Variants in FAF1 observed in about 807,000 individuals in gnomAD.
FAF1 encodes the protein FAS-associated factor 1.
A neutral mutation model predicts 92.5 loss-of-function variants in FAF1; 25 were observed. The ratio of observed to expected loss-of-function variants is 0.27; its 90% CI spans 0.20 to 0.38. FAF1 has a LOEUF of 0.38. Ranked by LOEUF, FAF1 falls within the 10% of genes least tolerant of loss-of-function variation. The probability of loss-of-function intolerance (pLI) is 1.00; values close to 1 mark genes in which losing one functional copy is unlikely to be tolerated. For missense variants in FAF1, 636 were observed against 793.3 expected (o/e 0.80, Z 2.38); for synonymous variants, 234 against 273.2 (o/e 0.86, Z 1.42).
chr1:50,709,924 G>C (rs1348232695), intron 6 of FAF1, among the ~76,000 whole-genome samples: 1 of 152,172 alleles, frequency 6.6e-6, no homozygotes, highest in Non-Finnish European at 1.5e-5. Flanking sequence ...AAGTAGATAT[G>C]GAGGATGATT....
chr1:50,441,693 T>C (rs776460478), intron 18 of FAF1, among the ~76,000 whole-genome samples, 170 bp from the exon 19 acceptor site: 164 of 152,206 alleles, frequency 1.1e-3, no homozygotes, highest in Non-Finnish European at 1.9e-3. Flanking sequence ...GTTGTTATTC[T>C]CATTTTATAA....
intron 13 of FAF1, among the ~76,000 whole-genome samples, chr1:50,551,826 T>C (rs141602291): frequency 1.3e-5 from 2 of 152,230 alleles, no homozygotes; most frequent in African/African-American, 4.8e-5. Context: ...TAGTCTCAAA[T>C]AGTTTACTAG....
chr1:50,519,459 G>A (rs1375934717), intron 15 of FAF1, among the ~76,000 whole-genome samples: 3 of 144,658 alleles, frequency 2.1e-5, no homozygotes, highest in Non-Finnish European at 4.6e-5. Context: ...AGGAGGGAGG[G>A]AAGGAAGGAA....
intron 6 of FAF1, among the ~76,000 whole-genome samples, chr1:50,717,104 G>A (rs916386901): frequency 1.3e-5 from 2 of 152,284 alleles, no homozygotes; most frequent in African/African-American, 2.4e-5. Flanking sequence ...GCGAAGGTCC[G>A]CGGCTTCATT....
chr1:50,571,348 G>A (rs1572841562), intron 12 of FAF1, among the ~76,000 whole-genome samples: 1 of 152,172 alleles, frequency 6.6e-6, no homozygotes, highest in Non-Finnish European at 1.5e-5. Context: ...TAAAGTAACA[G>A]AGAGCTCTGT....
intron 13 of FAF1, among the ~76,000 whole-genome samples, chr1:50,548,849 C>A (rs1649158242): frequency 6.6e-6 from 1 of 152,226 alleles, no homozygotes; most frequent in Non-Finnish European, 1.5e-5. Flanking sequence ...TGGAGTCGAA[C>A]AAATCTGATT....
intron 7 of FAF1, among the ~76,000 whole-genome samples, chr1:50,666,608 T>C (rs1655645941): frequency 6.6e-6 from 1 of 152,056 alleles, no homozygotes; most frequent in East Asian, 1.9e-4. Context: ...GTGGGTGGGG[T>C]GCAGTGGCTC....
chr1:50,626,051 T>C (rs755964056), intron 8 of FAF1, among the ~76,000 whole-genome samples: 1 of 152,210 alleles, frequency 6.6e-6, no homozygotes, highest in Non-Finnish European at 1.5e-5. Context: ...TGTTTTTGCA[T>C]ATTCCAAAAT....
intron 12 of FAF1, among the ~76,000 whole-genome samples, chr1:50,571,943 A>G (rs960920427): frequency 3.9e-5 from 6 of 152,224 alleles, no homozygotes; most frequent in African/African-American, 1.4e-4. Context: ...CAATGCTTTT[A>G]AAGTTGATAT....
intron 4 of FAF1, among the ~76,000 whole-genome samples, chr1:50,773,593 C>G (rs1660846656): frequency 6.6e-6 from 1 of 152,158 alleles, no homozygotes; most frequent in Non-Finnish European, 1.5e-5. Flanking sequence ...AAATATCACA[C>G]ACATGCTCTC....
In FAF1 at chr1:50,816,901, G is replaced by A. The variant is rs1000021499; in HGVS notation, c.115-15224C>T. Among the ~76,000 whole-genome samples the A allele has an allele frequency of 9.2e-5, 14 of 151,946 alleles. No individual in the cohort carries two copies. The East Asian group carries it at 1.3e-3, about 15-fold the overall frequency. Reference sequence around the variant, plus strand: ...TCTACTTTCATTTTTTTCTGAATACGGCTAACCAGCTATCCTAGCACCATT... The same window carrying A: ...TCTACTTTCATTTTTTTCTGAATACAGCTAACCAGCTATCCTAGCACCATT... On this transcript the variant is annotated intron_variant, in intron 2 of 18. Coordinates refer to ENST00000396153, the MANE Select transcript of FAF1 (RefSeq NM_007051.3).
intron 11 of FAF1, 127 bp from the exon 12 acceptor site, chr1:50,582,826 T>C: frequency 1.6e-6 from 1 of 622,272 alleles, no homozygotes; most frequent in Non-Finnish European, 2.8e-6. Context: ...CATAAAAACA[T>C]TTCTTTAAAA....
intron 18 of FAF1, among the ~76,000 whole-genome samples, chr1:50,462,706 T>C (rs1436612000): frequency 2.0e-5 from 3 of 152,130 alleles, no homozygotes; most frequent in Non-Finnish European, 2.9e-5. Flanking sequence ...TCTCTAGGGA[T>C]TGTGCTTCCC....
intron 1 of FAF1, among the ~76,000 whole-genome samples, chr1:50,950,008 AT>A (rs1206889060): frequency 2.0e-5 from 3 of 151,950 alleles, no homozygotes; most frequent in African/African-American, 7.3e-5. Flanking sequence ...AAAAAAAAAA[AT>A]TTATTTTTTT....
rs114854195 is a variant in FAF1 at position 50,797,425 on chromosome 1, G to A, written c.161+4206C>T. 4.7e-3 allele frequency among the ~76,000 whole-genome samples: 709 copies of A among 152,160 alleles called. 5 individuals carry two copies. Among genetic ancestry groups the A allele is most frequent in the Non-Finnish European group, 6.4e-3 (435 of 68,018 alleles). ...AAAAAAGATATTGATTGAATGCCAG[G>A]TGTAGTGGCTCATGCCTGTAATCCT... is the stretch of plus-strand genomic sequence containing the variant. On this transcript the variant is annotated intron_variant, in intron 3 of 18. Coordinates refer to ENST00000396153, the MANE Select transcript of FAF1 (RefSeq NM_007051.3).
intron 2 of FAF1, among the ~76,000 whole-genome samples, chr1:50,812,463 A>T: frequency 6.6e-6 from 1 of 152,258 alleles, no homozygotes; most frequent in East Asian, 1.9e-4. Context: ...GCCAGAAAGC[A>T]TACGAAAAAA....
At chr1:50,668,091 CA>C (rs771963185) in intron 7 of FAF1, among the ~76,000 whole-genome samples, 31 of 152,178 alleles carry the variant, frequency 2.0e-4, no homozygotes, top group Non-Finnish European at 1.3e-4. Context: ...CAAAAAAATG[CA>C]AAAAACAAAG....
intron 17 of FAF1, among the ~76,000 whole-genome samples, chr1:50,477,957 C>G (rs1441127987): frequency 6.6e-6 from 1 of 152,174 alleles, no homozygotes; most frequent in East Asian, 1.9e-4. Flanking sequence ...ATCTCATAGC[C>G]TCTACTTCTA....
intron 1 of FAF1, among the ~76,000 whole-genome samples, chr1:50,889,183 T>C (rs1309659993): frequency 6.6e-6 from 1 of 152,244 alleles, no homozygotes; most frequent in African/African-American, 2.4e-5. Flanking sequence ...TGATGGTAGT[T>C]TGTATTTCTG....
Sources: allele counts gnomAD v4.1 joint callset (sites outside exome capture counted in the v4.1 genomes callset), GRCh38; gene constraint gnomAD v4.1.1; transcripts MANE v1.5; gene names NCBI Gene and HGNC (gene_info 2026-07-23, HGNC 2026-07-21).